The following PMPCA variants were observed in gnomAD, a reference collection of about 807,000 sequenced individuals.
The protein encoded by PMPCA is mitochondrial-processing peptidase subunit alpha.
A neutral mutation model predicts 59.3 loss-of-function variants in PMPCA; 47 were observed. The observed-to-expected ratio is 0.79, with a 90% CI of 0.63 to 1.01. The LOEUF (loss-of-function observed/expected upper bound fraction) is 1.01, where lower values mean the gene tolerates loss of function less well. Among genes scored for constraint, PMPCA ranks in the 50% least tolerant of loss-of-function variants. PMPCA has a pLI of 0.00. For synonymous variants in PMPCA, 338 were observed against 290.3 expected (o/e 1.16, Z -1.67); for missense variants, 726 against 704.5 (o/e 1.03, Z -0.34).
At position 136,418,072 on chromosome 9, in the gene PMPCA, C is replaced by T. The variant is rs375626355; in HGVS notation, c.953C>T (p.Thr318Met). The change falls in exon 8 of 13, where the codon ACG becomes ATG. Residue 318 changes from threonine to methionine, a missense_variant. Thr to Met is a moderately conservative substitution (Grantham distance 81). Coordinates refer to ENST00000371717, the MANE Select transcript of PMPCA (RefSeq NM_015160.3). ...GGCCCGACCCCCATCCCCGAGCTCA[C>T]GCACATCATGGTTGGACTGGAGAGC... ...SLGPTPIPEL[T>M]HIMVGLESCS... The T allele has an allele frequency of 6.8e-6, 11 of 1,613,628 alleles. No individual in the cohort carries two copies. The highest frequency in any genetic ancestry group is 5.3e-5 in the African/African-American group (4 of 74,938).
intron 2 of PMPCA, 138 bp from the exon 3 acceptor site, chr9:136,412,352 C>G: frequency 2.6e-6 from 2 of 768,424 alleles, no homozygotes; most frequent in Non-Finnish European, 4.5e-6. Flanking sequence ...ACACATATAC[C>G]TGTGAAACCA....
At chr9:136,414,743 T>G in intron 5 of PMPCA, 96 bp downstream of exon 5, 1 of 769,722 alleles carries the variant, frequency 1.3e-6, no homozygotes, top group Non-Finnish European at 2.3e-6. Context: ...GAGAGCACCA[T>G]GTAATTGGAG....
chr9:136,415,778 G>A (rs979251217), intron 5 of PMPCA, among the ~76,000 whole-genome samples: 14 of 152,310 alleles, frequency 9.2e-5, no homozygotes, highest in South Asian at 2.1e-4. Flanking sequence ...GATTACAGGC[G>A]CCCGCCACCG....
intron 7 of PMPCA, 83 bp downstream of exon 7, chr9:136,417,297 TGAGGGTG>T (rs1419143173): frequency 8.3e-7 from 1 of 1,207,850 alleles, no homozygotes; most frequent in African/African-American, 1.5e-5. Flanking sequence ...GTATTGATTC[TGAGGGTG>T]ATAGGTGTTG....
intron 11 of PMPCA, chr9:136,419,611 C>T: frequency 5.4e-6 from 1 of 186,888 alleles, no homozygotes; most frequent in Non-Finnish European, 1.1e-5. Flanking sequence ...AAGATGGAGT[C>T]TCACTGTCTC....
At chr9:136,413,754 C>T (rs990132592) in intron 4 of PMPCA, among the ~76,000 whole-genome samples, 89 of 152,276 alleles carry the variant, frequency 5.8e-4, no homozygotes, top group African/African-American at 2.0e-3. Context: ...CAGCCCCCCT[C>T]GCCCTCAGCT....
intron 5 of PMPCA, among the ~76,000 whole-genome samples, chr9:136,415,624 A>G (rs1380333556): frequency 6.6e-6 from 1 of 152,098 alleles, no homozygotes; most frequent in Admixed American, 6.5e-5. Flanking sequence ...CGCCCTTGAC[A>G]TCTGTCTGTG....
Position 136,410,691 on chromosome 9 carries a change from C to A in PMPCA, c.23C>A (p.Ala8Glu). 7.1e-7 allele frequency: 1 copy of A among 1,415,620 alleles called. No individual in the cohort carries two copies. The highest frequency in any genetic ancestry group is 9.2e-7 in the Non-Finnish European group (1 of 1,086,412). The allele number at this position is 1,415,620 out of a possible 1,614,324, so 87.7% of individuals were successfully genotyped here. ...AAGATGGCGGCTGTGGTGCTGGCGG[C>A]GACGCGGTTGCTGCGGGGCTCGGGT... MAAVVLA[A>E]TRLLRGSGSW... Residue 8 changes from alanine to glutamate, a missense_variant, in exon 1 of 13, where the codon GCG becomes GAG. Transcript: ENST00000371717.
chr9:136,421,195 G>A (rs1160444364), intron 11 of PMPCA, among the ~76,000 whole-genome samples: 3 of 152,218 alleles, frequency 2.0e-5, no homozygotes, highest in Non-Finnish European at 2.9e-5. Flanking sequence ...CGATTTTGCC[G>A]TGTGGCCACT....
Position 136,423,099 on chromosome 9 carries a change from C to T in PMPCA, c.1413C>T (p.Asn471=), listed in dbSNP as rs746184762. The change falls in exon 13 of 13, where the codon AAC becomes AAT. Residue 471 remains asparagine, a synonymous_variant. Transcript: ENST00000371717. ...LPHELCTLIR[N]VKPEDVKRVA... ...CGCGTTTGCCCTCTGCACTAGGCAA[C>T]GTGAAGCCGGAAGATGTGAAGAGAG... The T allele has an allele frequency of 9.3e-6, 15 of 1,611,648 alleles. No homozygotes were observed. The East Asian group carries it at 1.1e-4, about 12-fold the overall frequency.
In PMPCA at chr9:136,412,531, A is replaced by C. The variant is rs766903950; in HGVS notation, c.316A>C (p.Ser106Arg). The change falls in exon 3 of 13, where the codon AGT (serine) becomes CGT (arginine). Residue 106 changes from serine to arginine, a missense_variant. Transcript: ENST00000371717. The stretch of plus-strand genomic sequence containing the variant: ...ATCGAGATATGAAGCGAAATACCTT[A>C]GTGGAATTGCTCACTTTTTGGAAAA... ...SGSRYEAKYL[S>R]GIAHFLEKLA... The C allele has an allele frequency of 1.6e-5, 26 of 1,602,180 alleles. No homozygotes were observed. Among genetic ancestry groups the C allele is most frequent in the Non-Finnish European group, 2.0e-5 (23 of 1,171,034 alleles).
chr9:136,413,878 G>A (rs1035982808), intron 4 of PMPCA, among the ~76,000 whole-genome samples: 1 of 152,238 alleles, frequency 6.6e-6, no homozygotes, highest in African/African-American at 2.4e-5. Flanking sequence ...TGGTGACTGC[G>A]TCCTGCCTCC....
chr9:136,414,855 G>A (rs1324227228), intron 5 of PMPCA, among the ~76,000 whole-genome samples: 1 of 152,234 alleles, frequency 6.6e-6, no homozygotes, highest in Non-Finnish European at 1.5e-5. Flanking sequence ...GGAGGCTCAG[G>A]CAGGCAAATC....
chr9:136,422,464 G>T (rs10870166), intron 12 of PMPCA: 13 of 1,052,638 alleles, frequency 1.2e-5, no homozygotes, highest in Non-Finnish European at 1.5e-5. Flanking sequence ...GGACTCTTCT[G>T]GGGGACAGGC....
intron 3 of PMPCA, 62 bp from the exon 4 acceptor site, chr9:136,412,748 A>T: frequency 9.4e-7 from 1 of 1,069,236 alleles, no homozygotes; most frequent in South Asian, 1.3e-5. Flanking sequence ...ATTTTAAAAA[A>T]AAATTGTGTT....
In PMPCA at chr9:136,412,814, C is replaced by T; in HGVS notation, c.359C>T (p.Thr120Ile). 1.3e-6 allele frequency: 2 copies of T among 1,587,774 alleles called. No individual in the cohort carries two copies. Among genetic ancestry groups the T allele is most frequent in the Non-Finnish European group, 8.6e-7 (1 of 1,156,182 alleles). ...HFLEKLAFSS[T>I]ARFDSKDEIL... Reference sequence around the variant, plus strand: ...TTCCTTATTTATTTTTACTAGTCTACTGCTCGATTTGACAGCAAAGATGAA... The same window carrying T: ...TTCCTTATTTATTTTTACTAGTCTATTGCTCGATTTGACAGCAAAGATGAA... Residue 120 changes from threonine (T) to isoleucine (I), a missense_variant, in exon 4 of 13, where the codon ACT becomes ATT. Transcript: ENST00000371717.
At chr9:136,410,845 G>C (rs1309182628) in intron 1 of PMPCA, 106 bp downstream of exon 1, 2 of 995,666 alleles carry the variant, frequency 2.0e-6, no homozygotes, top group Non-Finnish European at 2.6e-6. Flanking sequence ...CGTGGGACGG[G>C]CTCGCACTTC....
chr9:136,418,487 C>A, intron 8 of PMPCA, 68 bp from the exon 9 acceptor site: 1 of 997,396 alleles, frequency 1.0e-6, no homozygotes, highest in Non-Finnish European at 1.6e-6. Context: ...GCCCTCCGTC[C>A]CTGGCGTCTG....
intron 12 of PMPCA, 171 bp downstream of exon 12, chr9:136,422,147 G>T: frequency 6.5e-7 from 1 of 1,542,186 alleles, no homozygotes; most frequent in Non-Finnish European, 8.8e-7. Flanking sequence ...GGGTCGTGGG[G>T]TCGCAGACCT....
Sources: gnomAD v4.1 joint callset for allele counts (sites outside exome capture counted in the v4.1 genomes callset) on GRCh38, gnomAD v4.1.1 for gene constraint, MANE v1.5 for transcripts, NCBI Gene and HGNC (gene_info 2026-07-23, HGNC 2026-07-21) for gene names.